The following GLIS3 variants were observed in gnomAD, a reference collection of about 807,000 sequenced individuals.
GLIS3 encodes zinc finger protein GLIS3.
In GLIS3, 53 loss-of-function variants were observed where a neutral mutation model predicts 78.6. That is an observed-to-expected ratio of 0.67 (90% CI 0.54 to 0.85). The LOEUF is 0.85. GLIS3 is among the 40% of genes least tolerant of loss of function. The pLI, the probability that GLIS3 is intolerant of heterozygous loss-of-function variation, is 0.00. For synonymous variants in GLIS3, 684 were observed against 509.9 expected (o/e 1.34, Z -4.60); for missense variants, 1,703 against 1,231.1 (o/e 1.38, Z -5.74).
upstream of GLIS3, among the ~76,000 whole-genome samples, chr9:4,352,674 T>A (rs58865397): frequency 0.038 from 5,758 of 152,356 alleles, 370 homozygotes; most frequent in African/African-American, 0.13. Flanking sequence ...ATCAAGACCA[T>A]CGCAGGCCTG....
At chr9:4,309,119 C>T (rs1817298992) in intron 3 of GLIS3, among the ~76,000 whole-genome samples, 1 of 152,206 alleles carries the variant, frequency 6.6e-6, no homozygotes, top group Non-Finnish European at 1.5e-5. Flanking sequence ...CAGCCTGCAT[C>T]ATCTCCGAAT....
the GLIS3 span, among the ~76,000 whole-genome samples, chr9:4,355,215 G>C: frequency 1.1e-4 from 16 of 152,080 alleles, no homozygotes; most frequent in African/African-American, 3.9e-4. Flanking sequence ...CCTGGATTTG[G>C]AGTTGGGCAC....
chr9:4,006,023 C>T (rs963713047), intron 4 of GLIS3, among the ~76,000 whole-genome samples: 3 of 152,132 alleles, frequency 2.0e-5, no homozygotes, highest in Non-Finnish European at 2.9e-5. Context: ...CCCACACAGG[C>T]CCTTCCTTAC....
intron 4 of GLIS3, among the ~76,000 whole-genome samples, chr9:4,077,852 G>A (rs1828212164): frequency 6.6e-6 from 1 of 152,194 alleles, no homozygotes; most frequent in Admixed American, 6.5e-5. Context: ...CTCTTCCTCA[G>A]AAATCTGGTT....
chr9:4,134,417 C>T (rs1833237445), intron 2 of GLIS3, among the ~76,000 whole-genome samples: 1 of 152,096 alleles, frequency 6.6e-6, no homozygotes, highest in Non-Finnish European at 1.5e-5. Context: ...TTTTATTTTG[C>T]ATGGGAAATG....
intron 4 of GLIS3, among the ~76,000 whole-genome samples, chr9:3,993,535 A>G (rs759565845): frequency 6.6e-6 from 1 of 152,220 alleles, no homozygotes; most frequent in Non-Finnish European, 1.5e-5. Context: ...TAAGTCCACT[A>G]TCTGAGGAAA....
chr9:4,409,697 A>C, the GLIS3 span, among the ~76,000 whole-genome samples: 2 of 152,240 alleles, frequency 1.3e-5, no homozygotes, highest in African/African-American at 2.4e-5. Context: ...GGAATTATTA[A>C]ATATGGGTTG....
intron 2 of GLIS3, among the ~76,000 whole-genome samples, chr9:4,259,027 G>C (rs1452232144): frequency 6.6e-6 from 1 of 152,152 alleles, no homozygotes; most frequent in South Asian, 2.1e-4. Flanking sequence ...TTGTGGGTTT[G>C]CCATCTCCTG....
chr9:4,477,059 T>G, the GLIS3 span, among the ~76,000 whole-genome samples: 1 of 152,180 alleles, frequency 6.6e-6, no homozygotes. Context: ...ATTATGCTTC[T>G]GGGTATATGC....
intron 4 of GLIS3, among the ~76,000 whole-genome samples, chr9:3,996,754 T>C (rs1056666791): frequency 6.6e-6 from 1 of 152,114 alleles, no homozygotes; most frequent in Admixed American, 6.6e-5. Context: ...TTGGTTTTTT[T>C]AGAAGAATAA....
intron 9 of GLIS3, among the ~76,000 whole-genome samples, chr9:3,849,305 T>C (rs1265979025): frequency 6.6e-6 from 1 of 152,232 alleles, no homozygotes; most frequent in Non-Finnish European, 1.5e-5. Flanking sequence ...TGGCAGCCCC[T>C]CCGGTGTGCC....
intron 2 of GLIS3, among the ~76,000 whole-genome samples, chr9:4,155,951 T>C (rs757477607): frequency 6.6e-6 from 1 of 152,194 alleles, no homozygotes; most frequent in Non-Finnish European, 1.5e-5. Flanking sequence ...CTGCTATTCA[T>C]TTATCCCCTA....
chr9:4,393,853 A>G, the GLIS3 span, among the ~76,000 whole-genome samples: 4 of 152,180 alleles, frequency 2.6e-5, no homozygotes, highest in Non-Finnish European at 4.4e-5. Context: ...TTAAACATGT[A>G]AGAAGGGCTC....
At chr9:3,973,272 C>T (rs761648385) in intron 4 of GLIS3, among the ~76,000 whole-genome samples, 3 of 152,048 alleles carry the variant, frequency 2.0e-5, no homozygotes, top group African/African-American at 7.3e-5. Flanking sequence ...GCTTTGGTGT[C>T]TAGAGTTTTT....
intron 2 of GLIS3, among the ~76,000 whole-genome samples, chr9:4,219,419 A>C (rs1470476352): frequency 6.6e-6 from 1 of 152,230 alleles, no homozygotes; most frequent in Non-Finnish European, 1.5e-5. Context: ...CATCCTCTAC[A>C]AATTATATCC....
intron 2 of GLIS3, among the ~76,000 whole-genome samples, chr9:4,136,932 G>T (rs1833447577): frequency 6.6e-6 from 1 of 152,186 alleles, no homozygotes; most frequent in South Asian, 2.1e-4. Context: ...TAAACCAAAT[G>T]ATGCTGATAT....
chr9:4,304,587 A>G (rs1045074373), upstream of GLIS3, among the ~76,000 whole-genome samples: 1 of 152,218 alleles, frequency 6.6e-6, no homozygotes, highest in Admixed American at 6.5e-5. Context: ...GGAAGAAAAG[A>G]AATGGAAAAT....
At chr9:4,145,632 G>A (rs1325010059) in intron 2 of GLIS3, among the ~76,000 whole-genome samples, 2 of 152,096 alleles carry the variant, frequency 1.3e-5, no homozygotes, top group Non-Finnish European at 2.9e-5. Context: ...TCTGAGAGCA[G>A]TCTCCAAGTC....
chr9:4,432,468 A>C, the GLIS3 span, among the ~76,000 whole-genome samples: 1 of 152,022 alleles, frequency 6.6e-6, no homozygotes, highest in Non-Finnish European at 1.5e-5. Context: ...GCAAGGTGAG[A>C]GGTAAGTCTG....
Sources: gnomAD v4.1 joint callset for allele counts (sites outside exome capture counted in the v4.1 genomes callset) on GRCh38, gnomAD v4.1.1 for gene constraint, MANE v1.5 for transcripts, NCBI Gene and HGNC (gene_info 2026-07-23, HGNC 2026-07-21) for gene names.